ESRRG: variants seen among roughly 807,000 people sequenced by gnomAD.
ESRRG encodes estrogen-related receptor gamma.
ESRRG carries 13 observed loss-of-function variants against 44.0 expected under a neutral mutation model. The ratio of observed to expected loss-of-function variants is 0.30; its 90% confidence interval spans 0.19 to 0.47. The LOEUF is 0.47. Ranked by LOEUF, ESRRG falls within the 20% of genes least tolerant of loss-of-function variation. The probability of loss-of-function intolerance (pLI) is 1.00; values close to 1 mark genes in which losing one functional copy is unlikely to be tolerated. For missense variants in ESRRG, 395 were observed against 580.6 expected (o/e 0.68, Z 3.29); for synonymous variants, 215 against 214.6 (o/e 1.00, Z -0.02).
intron 1 of ESRRG, among the ~76,000 whole-genome samples, chr1:216,952,577 A>G (rs991041299): frequency 1.3e-5 from 2 of 152,140 alleles, no homozygotes; most frequent in Non-Finnish European, 2.9e-5. Flanking sequence ...TGAAACAGAC[A>G]CAAAATTTAT....
intron 2 of ESRRG, among the ~76,000 whole-genome samples, chr1:216,846,874 G>GT (rs1264761480): frequency 1.3e-5 from 2 of 151,774 alleles, no homozygotes; most frequent in Admixed American, 6.6e-5. Context: ...TTTAAAGATA[G>GT]TTTTTTGTAT....
chr1:216,819,062 T>G (rs1409171629), intron 2 of ESRRG, among the ~76,000 whole-genome samples: 1 of 152,200 alleles, frequency 6.6e-6, no homozygotes, highest in Non-Finnish European at 1.5e-5. Flanking sequence ...TGAATAGTGC[T>G]GCAGTGGACA....
At chr1:216,802,509 A>G (rs1216394916) in intron 2 of ESRRG, among the ~76,000 whole-genome samples, 1 of 152,180 alleles carries the variant, frequency 6.6e-6, no homozygotes, top group Non-Finnish European at 1.5e-5. Flanking sequence ...CAGCTACATA[A>G]TTTGTGGGGC....
rs148718403 is a variant in ESRRG at position 216,996,895 on chromosome 1, T to C, written c.-105-57222A>G. On this transcript the variant is annotated intron_variant, in intron 1 of 7. Coordinates refer to the ESRRG transcript ENST00000359162. ...GCAAAAGAAAGCATTAAATATCTTT[T>C]GCAAGTTGGAAAGAATCTTTTACTT... Among the ~76,000 whole-genome samples, 8 of 152,244 alleles carry C rather than the reference T, an allele frequency of 5.3e-5. No individual in the cohort carries two copies. The East Asian group carries it at 1.5e-3, about 29-fold the overall frequency.
intron 1 of ESRRG, among the ~76,000 whole-genome samples, chr1:217,081,601 T>A (rs552582617): frequency 1.1e-4 from 16 of 152,264 alleles, no homozygotes; most frequent in African/African-American, 3.4e-4. Context: ...TCATTAGTTC[T>A]TTTTGTTTGG....
At chr1:217,015,708 G>T (rs980490840) in intron 1 of ESRRG, among the ~76,000 whole-genome samples, 7 of 150,686 alleles carry the variant, frequency 4.6e-5, no homozygotes, top group Non-Finnish European at 1.0e-4. Flanking sequence ...TTGTTTGTGT[G>T]GGGGGTGAGA....
At chr1:216,880,960 C>A (rs2096436516) in intron 2 of ESRRG, among the ~76,000 whole-genome samples, 1 of 151,994 alleles carries the variant, frequency 6.6e-6, no homozygotes, top group Non-Finnish European at 1.5e-5. Flanking sequence ...ACAATTGAAC[C>A]TAAAGATAAA....
At chr1:216,934,906 A>T (rs931235557) in intron 2 of ESRRG, among the ~76,000 whole-genome samples, 5 of 152,218 alleles carry the variant, frequency 3.3e-5, no homozygotes, top group African/African-American at 1.2e-4. Flanking sequence ...TATTTTATAC[A>T]TTATAAATCT....
intron 1 of ESRRG, among the ~76,000 whole-genome samples, chr1:216,721,142 C>A (rs989436083): frequency 1.3e-5 from 2 of 152,148 alleles, no homozygotes; most frequent in African/African-American, 4.8e-5. Context: ...AATGTGCTGG[C>A]ACATTTCCTA....
intron 2 of ESRRG, among the ~76,000 whole-genome samples, chr1:216,807,454 T>A (rs912498065): frequency 6.6e-6 from 1 of 152,204 alleles, no homozygotes; most frequent in Admixed American, 6.6e-5. Flanking sequence ...TTCTAACTTG[T>A]TTCCATCTTT....
chr1:216,758,295 T>C (rs370812872), intron 2 of ESRRG, among the ~76,000 whole-genome samples: 1 of 152,070 alleles, frequency 6.6e-6, no homozygotes, highest in Non-Finnish European at 1.5e-5. Flanking sequence ...AGGGCCTCCG[T>C]CTGTTTAATG....
At chr1:216,528,134 C>T (rs1201622081) in intron 5 of ESRRG, among the ~76,000 whole-genome samples, 1 of 152,150 alleles carries the variant, frequency 6.6e-6, no homozygotes, top group Non-Finnish European at 1.5e-5. Context: ...AACCAGATCC[C>T]TCACCCACAG....
intron 1 of ESRRG, among the ~76,000 whole-genome samples, chr1:217,001,997 A>AT (rs34955630): frequency 0.16 from 23,666 of 150,572 alleles, 2,186 homozygotes; most frequent in Admixed American, 0.22. Flanking sequence ...CACCATTATA[A>AT]TTTTTTTTTT....
intron 2 of ESRRG, among the ~76,000 whole-genome samples, chr1:216,816,146 C>T (rs993902650): frequency 2.0e-5 from 3 of 152,286 alleles, no homozygotes; most frequent in South Asian, 4.1e-4. Context: ...TCAGAGTTAA[C>T]TCGCCGAAAT....
chr1:216,867,260 T>C (rs969168494), intron 2 of ESRRG, among the ~76,000 whole-genome samples: 5 of 152,188 alleles, frequency 3.3e-5, no homozygotes, highest in Non-Finnish European at 7.3e-5. Context: ...GGAGATATAA[T>C]TTAATTCAAA....
intron 2 of ESRRG, among the ~76,000 whole-genome samples, chr1:216,881,760 G>A (rs113237500): frequency 2.0e-5 from 3 of 152,052 alleles, no homozygotes; most frequent in Non-Finnish European, 4.4e-5. Context: ...ATGAAAGGAG[G>A]ATAAAAAGTT....
rs887853005 is a variant in ESRRG at position 216,954,326 on chromosome 1, G to T, written c.-105-14653C>A. On this transcript the variant is annotated intron_variant, in intron 1 of 7. Coordinates refer to the ESRRG transcript ENST00000359162. ...AAGAAGTCTTCACACCTCTTGGATG[G>T]CCATTTTCAGGAAAGCTCTGTAAAG... Among the ~76,000 whole-genome samples, 4 of 152,106 alleles carry T rather than the reference G, an allele frequency of 2.6e-5. No homozygotes were observed. The South Asian group carries it at 6.2e-4, about 24-fold the overall frequency.
chr1:216,756,634 G>A (rs2092462806), intron 2 of ESRRG, among the ~76,000 whole-genome samples: 1 of 151,970 alleles, frequency 6.6e-6, no homozygotes. Context: ...CAGGGAAGGG[G>A]AGCTATGAAT....
At chr1:216,555,302 A>T (rs977428336) in intron 5 of ESRRG, among the ~76,000 whole-genome samples, 2 of 152,220 alleles carry the variant, frequency 1.3e-5, no homozygotes, top group South Asian at 2.1e-4. Context: ...TATCCTTTAA[A>T]ACACATACAC....
Sources: allele counts gnomAD v4.1 joint callset (sites outside exome capture counted in the v4.1 genomes callset), GRCh38; gene constraint gnomAD v4.1.1; transcripts MANE v1.5; gene names NCBI Gene and HGNC (gene_info 2026-07-23, HGNC 2026-07-21).